The following PLCL2 variants were observed in gnomAD, a reference collection of about 807,000 sequenced individuals.
PLCL2 encodes phospholipase C like 2, also known as inactive phospholipase C-like protein 2.
PLCL2 carries 4 observed loss-of-function variants against 79.6 expected under a neutral mutation model. The ratio of observed to expected loss-of-function variants is 0.05; its 90% CI spans 0.02 to 0.11. The LOEUF (loss-of-function observed/expected upper bound fraction) is 0.11, where lower values mean the gene tolerates loss of function less well. PLCL2 is among the 10% of genes least tolerant of loss of function. The probability of loss-of-function intolerance (pLI) is 1.00; values close to 1 mark genes in which losing one functional copy is unlikely to be tolerated. For synonymous variants in PLCL2, 484 were observed against 457.7 expected, an observed-to-expected ratio of 1.06 and a Z score of -0.73; for missense variants, 895 against 1,291.0, an observed-to-expected ratio of 0.69 and a Z score of 4.70.
chr3:16,935,881 A>C (rs1168694308), intron 1 of PLCL2, among the ~76,000 whole-genome samples: 2 of 152,254 alleles, frequency 1.3e-5, no homozygotes, highest in Non-Finnish European at 2.9e-5. Flanking sequence ...TTCAGGATCC[A>C]GATTGTAAAA....
chr3:17,052,698 C>A (rs1267954756), intron 4 of PLCL2, among the ~76,000 whole-genome samples: 3 of 152,160 alleles, frequency 2.0e-5, no homozygotes, highest in Admixed American at 2.0e-4. Context: ...ACAGCAAGAC[C>A]AACCCCTTCT....
intron 4 of PLCL2, among the ~76,000 whole-genome samples, chr3:17,048,096 T>TTC (rs1553648358): frequency 6.6e-6 from 1 of 151,726 alleles, no homozygotes; most frequent in Non-Finnish European, 1.5e-5. Flanking sequence ...TTTTTTTTTT[T>TTC]TTCAAACTCC....
At chr3:17,085,061 A>G (rs1056433097) in intron 5 of PLCL2, among the ~76,000 whole-genome samples, 1 of 152,228 alleles carries the variant, frequency 6.6e-6, no homozygotes, top group African/African-American at 2.4e-5. Flanking sequence ...ATCTCCTCGA[A>G]CAATATAATG....
At chr3:17,038,535 A>G (rs2064683759) in intron 3 of PLCL2, among the ~76,000 whole-genome samples, 1 of 152,184 alleles carries the variant, frequency 6.6e-6, no homozygotes, top group Admixed American at 6.5e-5. Flanking sequence ...ATGCATCGAT[A>G]TTACTACCTG....
intron 3 of PLCL2, among the ~76,000 whole-genome samples, chr3:17,020,254 G>A (rs940622730): frequency 3.3e-5 from 5 of 152,120 alleles, no homozygotes; most frequent in Non-Finnish European, 7.4e-5. Flanking sequence ...TAAATATTTT[G>A]TGACGTATTA....
intron 1 of PLCL2, among the ~76,000 whole-genome samples, chr3:16,905,181 T>G (rs2124924050): frequency 6.6e-6 from 1 of 152,320 alleles, no homozygotes. Flanking sequence ...GGTGCTGTCC[T>G]TGCCACAGAA....
At chr3:17,023,493 AAC>A (rs1251987714) in intron 3 of PLCL2, among the ~76,000 whole-genome samples, 7 of 152,102 alleles carry the variant, frequency 4.6e-5, no homozygotes, top group Non-Finnish European at 7.4e-5. Flanking sequence ...AGTCTCATGA[AAC>A]CTGATGGGTT....
chr3:17,073,934 C>T (rs1241809461), intron 5 of PLCL2, among the ~76,000 whole-genome samples: 1 of 152,194 alleles, frequency 6.6e-6, no homozygotes, highest in Non-Finnish European at 1.5e-5. Context: ...TCCAAGTCAA[C>T]CATGAGGGCT....
chr3:16,889,144 G>A (rs1412647427), intron 1 of PLCL2, among the ~76,000 whole-genome samples: 2 of 152,122 alleles, frequency 1.3e-5, no homozygotes, highest in Admixed American at 1.3e-4. Flanking sequence ...CTCACTGCAT[G>A]CAAAACACGT....
At chr3:17,058,097 C>T (rs2064909682) in intron 4 of PLCL2, among the ~76,000 whole-genome samples, 1 of 152,124 alleles carries the variant, frequency 6.6e-6, no homozygotes, top group South Asian at 2.1e-4. Context: ...GTGGGGAGGT[C>T]TGTCTGTGGG....
chr3:16,889,408 G>A (rs1470048101), intron 1 of PLCL2, among the ~76,000 whole-genome samples: 1 of 152,208 alleles, frequency 6.6e-6, no homozygotes, highest in Non-Finnish European at 1.5e-5. Flanking sequence ...TTGGAAGAAG[G>A]AAAAGAATCT....
At chr3:17,030,739 A>AG (rs2124909083) in intron 3 of PLCL2, among the ~76,000 whole-genome samples, 1 of 152,312 alleles carries the variant, frequency 6.6e-6, no homozygotes, top group East Asian at 1.9e-4. Context: ...GTTTAAAAAA[A>AG]GTATTGCTTT....
chr3:16,909,541 A>T (rs527909865), intron 1 of PLCL2, among the ~76,000 whole-genome samples: 20 of 152,354 alleles, frequency 1.3e-4, no homozygotes, highest in East Asian at 3.9e-4. Flanking sequence ...TTTAAGGTAC[A>T]CTAAGCAGAT....
At chr3:17,050,750 A>G (rs980369430) in intron 4 of PLCL2, among the ~76,000 whole-genome samples, 40 of 152,198 alleles carry the variant, frequency 2.6e-4, no homozygotes, top group African/African-American at 9.6e-4. Flanking sequence ...TCCTCAAAAA[A>G]ACTAAAAATA....
At chr3:16,973,662 T>G (rs1459712051) in intron 1 of PLCL2, among the ~76,000 whole-genome samples, 1 of 152,214 alleles carries the variant, frequency 6.6e-6, no homozygotes, top group Non-Finnish European at 1.5e-5. Flanking sequence ...GACTGCTAAC[T>G]TAAATACCTC....
chr3:16,953,233 T>C (rs1043622508), intron 1 of PLCL2, among the ~76,000 whole-genome samples: 1 of 152,176 alleles, frequency 6.6e-6, no homozygotes, highest in African/African-American at 2.4e-5. Flanking sequence ...ACATCACATG[T>C]AATGCATTAT....
At chr3:16,965,874 A>G (rs866871323) in intron 1 of PLCL2, among the ~76,000 whole-genome samples, 43 of 152,194 alleles carry the variant, frequency 2.8e-4, no homozygotes, top group Middle Eastern at 3.4e-3. Context: ...TTGATTTTGT[A>G]TCCTGAGACT....
At chr3:16,946,917 A>G (rs1196843890) in intron 1 of PLCL2, among the ~76,000 whole-genome samples, 4 of 150,754 alleles carry the variant, frequency 2.7e-5, no homozygotes, top group African/African-American at 9.7e-5. Context: ...TTCCCATATA[A>G]GAGTAAATGA....
rs1454313702 is a variant in PLCL2 at position 17,010,450 on chromosome 3, G to A, written c.1104G>A (p.Glu368=). 3.1e-6 allele frequency: 5 copies of A among 1,613,874 alleles called. No individual in the cohort carries two copies. The highest frequency in any genetic ancestry group is 4.2e-6 in the Non-Finnish European group (5 of 1,180,000). ...CCAAGGACCTTATGATGTTTCTTGA[G>A]GCAGAACAGGGTGTGGCACATATAA... ...LDTKDLMMFL[E]AEQGVAHINE... Residue 368 remains glutamate, a synonymous_variant, in exon 2 of 6, where the codon GAG becomes GAA. Transcript: ENST00000615277. This position sits in a 1 kb window ranked among gnomAD's most constrained non-coding sequence, Gnocchi z 5.8.
Sources: allele counts gnomAD v4.1 joint callset (sites outside exome capture counted in the v4.1 genomes callset), GRCh38; gene constraint gnomAD v4.1.1; non-coding constraint Gnocchi (gnomAD v3.1); transcripts MANE v1.5; gene names NCBI Gene and HGNC (gene_info 2026-07-23, HGNC 2026-07-21).